The following GIGYF1 variants were observed in gnomAD, a reference collection of about 807,000 sequenced individuals.
GIGYF1 encodes GRB10-interacting GYF protein 1.
GIGYF1 carries 84 observed loss-of-function variants against 147.1 expected under a neutral mutation model. That is an observed-to-expected ratio of 0.57 (90% confidence interval 0.48 to 0.68). The LOEUF (loss-of-function observed/expected upper bound fraction) is 0.68, where lower values mean the gene tolerates loss of function less well. GIGYF1 is among the 30% of genes least tolerant of loss of function. The probability of loss-of-function intolerance (pLI) is 0.00; values close to 1 mark genes in which losing one functional copy is unlikely to be tolerated. For missense variants in GIGYF1, 1,485 were observed against 1,393.7 expected (o/e 1.07, Z -1.04); for synonymous variants, 752 against 589.5 (o/e 1.28, Z -3.99).
chr7:100,684,757 C>G lies in GIGYF1; in HGVS notation c.1428G>C (p.Lys476Asn). The G allele has an allele frequency of 6.2e-7, 1 of 1,612,340 alleles. No homozygotes were observed. Among genetic ancestry groups the G allele is most frequent in the Non-Finnish European group, 8.5e-7 (1 of 1,179,330 alleles). The change falls in exon 15 of 27, where the codon AAG becomes AAC. Residue 476 changes from lysine (K) to asparagine (N), a missense_variant. Lys to Asn is a moderately conservative substitution (Grantham distance 94, BLOSUM62 0). Transcript: ENST00000678049. ...CGCCCTGTGGGTCCTTGTAGAACCA[C>G]TTCCGGGCAGCCCCATGGCTGAGCG... The part of the protein sequence containing the change: ...ALPLSHGAAR[K>N]WFYKDPQGEI...
Position 100,686,300 on chromosome 7 carries a change from C to T in GIGYF1, c.828G>A (p.Arg276=). 6.2e-7 allele frequency: 1 copy of T among 1,614,056 alleles called. No homozygotes were observed. Among genetic ancestry groups the T allele is most frequent in the Non-Finnish European group, 8.5e-7 (1 of 1,180,000 alleles). Residue 276 remains arginine (R), a synonymous_variant, in exon 11 of 27, where the codon CGG becomes CGA. Transcript: ENST00000678049. ...GRGGGGSSHL[R]RCRAPEGFEE... is the part of the protein sequence containing the mutation. The stretch of plus-strand genomic sequence containing the variant: ...CAAAGCCTTCAGGCGCTCGGCACCG[C>T]CGCAGGTGAGAGCTGCCTCCCCCTC...
intron 11 of GIGYF1, 31 bp from the exon 12 acceptor site, chr7:100,686,110 C>T: frequency 6.2e-7 from 1 of 1,608,074 alleles, no homozygotes; most frequent in East Asian, 2.2e-5. Flanking sequence ...GAGCAGAGAA[C>T]AGCTGGGGTG....
intron 1 of GIGYF1, among the ~76,000 whole-genome samples, chr7:100,690,318 G>C (rs531374783): frequency 6.6e-6 from 1 of 152,112 alleles, no homozygotes; most frequent in Admixed American, 6.5e-5. Context: ...GCTCATCCTG[G>C]AGGCATGAGG....
chr7:100,682,749 A>T lies in GIGYF1; in HGVS notation c.2441T>A (p.Leu814Gln), dbSNP rs1804908285. Residue 814 changes from leucine (L) to glutamine (Q), a missense_variant, in exon 23 of 27, where the codon CTG (leucine) becomes CAG (glutamine). Transcript: ENST00000678049. ...VQLGGLGTAPLNQWVSEAGPL... is the reference protein window; with the variant it reads ...VQLGGLGTAPQNQWVSEAGPL... The stretch of plus-strand genomic sequence containing the variant: ...CCCAGCCTCAGACACCCACTGGTTC[A>T]GGGGGGCAGTGCCCAGGCCCCCAAG... 6.5e-7 allele frequency: 1 copy of T among 1,540,302 alleles called. No homozygotes were observed. Among genetic ancestry groups the T allele is most frequent in the Non-Finnish European group, 8.7e-7 (1 of 1,145,606 alleles).
At position 100,683,461 on chromosome 7, in the gene GIGYF1, A is replaced by G; in HGVS notation, c.2053-17T>C. The G allele has an allele frequency of 3.1e-6, 5 of 1,614,138 alleles. No individual in the cohort carries two copies. Among genetic ancestry groups the G allele is most frequent in the African/African-American group, 2.7e-5 (2 of 75,054 alleles). On this transcript the variant is annotated splice_polypyrimidine_tract_variant and intron_variant, in intron 20 of 26. Coordinates refer to ENST00000678049, the MANE Select transcript of GIGYF1 (RefSeq NM_001375765.1). ...CTCCTGGAACTGAGACCAGTGGCCCATCAGAGGGGAGAGCTGCAGGGGACA... is the reference window on the plus strand; with the variant it reads ...CTCCTGGAACTGAGACCAGTGGCCCGTCAGAGGGGAGAGCTGCAGGGGACA...
In GIGYF1 at chr7:100,680,806, G is replaced by A. The variant is rs1383010472; in HGVS notation, c.*913C>T. The A allele has an allele frequency of 1.3e-5, 2 of 152,830 alleles. No individual in the cohort carries two copies. The highest frequency in any genetic ancestry group is 2.9e-5 in the Non-Finnish European group (2 of 68,162). 9.5% of individuals were successfully genotyped at this position (152,830 alleles called of 1,614,324 possible). A position where few individuals can be genotyped will look rare whatever the true frequency, so the allele number is the denominator to read the frequency against. On this transcript the variant is annotated 3_prime_UTR_variant, in exon 27 of 27. Coordinates refer to ENST00000678049, the MANE Select transcript of GIGYF1 (RefSeq NM_001375765.1). ...TCACAGGGGTGAGGCAGCTCAGGCA[G>A]GGGTGAGGCGGGGGCTTGTGGCCCA...
At position 100,687,293 on chromosome 7, in the gene GIGYF1, C is replaced by T. The variant is rs1805455331; in HGVS notation, c.482+5G>A. 1 of 1,611,816 alleles carries T rather than the reference C, an allele frequency of 6.2e-7. No individual in the cohort carries two copies. The highest frequency in any genetic ancestry group is 8.5e-7 in the Non-Finnish European group (1 of 1,179,092). On this transcript the variant is annotated splice_donor_5th_base_variant and intron_variant, in intron 8 of 26. Coordinates refer to ENST00000678049, the MANE Select transcript of GIGYF1 (RefSeq NM_001375765.1). ...GCTCTGCGCCATGCCCCCTCCCCGC[C>T]CCACCTGTCATCCCAGCTCTGGCTG... is the stretch of plus-strand genomic sequence containing the variant.
chr7:100,683,433 G>A lies in GIGYF1; in HGVS notation c.2064C>T (p.Arg688=). 6.2e-7 allele frequency: 1 copy of A among 1,614,042 alleles called. No homozygotes were observed. The highest frequency in any genetic ancestry group is 8.5e-7 in the Non-Finnish European group (1 of 1,180,026). The change falls in exon 21 of 27, where the codon CGC becomes CGT. Residue 688 remains arginine, a synonymous_variant. Coordinates refer to ENST00000678049, the MANE Select transcript of GIGYF1 (RefSeq NM_001375765.1). ...QLQLQHKFQE[R]REVELRAKRE... is the part of the protein sequence containing the mutation. ...GCTTCGCCCTGAGCTCCACTTCTCTGCGCTCCTGGAACTGAGACCAGTGGC... is the reference window on the plus strand; with the variant it reads ...GCTTCGCCCTGAGCTCCACTTCTCTACGCTCCTGGAACTGAGACCAGTGGC...
In GIGYF1 at chr7:100,686,301, C is replaced by G. The variant is rs201471612; in HGVS notation, c.827G>C (p.Arg276Pro). The G allele has an allele frequency of 6.8e-6, 11 of 1,614,042 alleles. No homozygotes were observed. Among genetic ancestry groups the G allele is most frequent in the Middle Eastern group, 3.3e-4 (2 of 6,062 alleles). The change falls in exon 11 of 27, where the codon CGG becomes CCG. Residue 276 changes from arginine (R) to proline (P), a missense_variant. By Grantham distance (103) the Arg-to-Pro change is moderately radical (BLOSUM62 -2). Transcript: ENST00000678049. ...AAAGCCTTCAGGCGCTCGGCACCGC[C>G]GCAGGTGAGAGCTGCCTCCCCCTCC... Reference protein sequence around the residue: ...GRGGGGSSHLRRCRAPEGFEE... With the variant: ...GRGGGGSSHLPRCRAPEGFEE...
At chr7:100,690,423 C>T (rs765153376) in intron 1 of GIGYF1, among the ~76,000 whole-genome samples, 1 of 151,992 alleles carries the variant, frequency 6.6e-6, no homozygotes, top group Non-Finnish European at 1.5e-5. Context: ...GAGAGGAGTC[C>T]GAGACCAGCC....
intron 12 of GIGYF1, 81 bp downstream of exon 12, chr7:100,685,893 G>GCCAGATCTAA: frequency 8.7e-7 from 1 of 1,147,142 alleles, no homozygotes. Context: ...CAGGTAGGTG[G>GCCAGATCTAA]GCAGCCAATG....
At chr7:100,684,664 T>G in intron 15 of GIGYF1, 48 bp from the exon 16 acceptor site, 1 of 1,612,546 alleles carries the variant, frequency 6.2e-7, no homozygotes, top group South Asian at 1.1e-5. Context: ...TCACAGGGTA[T>G]GCCAGAGACA....
At chr7:100,684,971 A>C in intron 14 of GIGYF1, 77 bp from the exon 15 acceptor site, 1 of 1,556,296 alleles carries the variant, frequency 6.4e-7, no homozygotes, top group Non-Finnish European at 8.6e-7. Context: ...ATGGAGCTTG[A>C]GCTGGGGCCG....
intron 1 of GIGYF1, among the ~76,000 whole-genome samples, chr7:100,692,165 G>T (rs1805880375): frequency 6.6e-6 from 1 of 152,242 alleles, no homozygotes; most frequent in Admixed American, 6.5e-5. Context: ...TTCTCCAAGC[G>T]TGGTAGGGTG....
Position 100,681,555 on chromosome 7 carries a change from C to T in GIGYF1, c.*164G>A, listed in dbSNP as rs1198088552. On this transcript the variant is annotated 3_prime_UTR_variant, in exon 27 of 27. Coordinates refer to ENST00000678049, the MANE Select transcript of GIGYF1 (RefSeq NM_001375765.1). ...CCCTCCCCCAGTCTGTAAAGTGCCT[C>T]GTGGTGGGTGAGTTAAGGTGCATCG... 11 of 476,618 alleles carry T rather than the reference C, an allele frequency of 2.3e-5. No homozygotes were observed. The highest frequency in any genetic ancestry group is 6.0e-5 in the African/African-American group (3 of 50,178). The allele number at this position is 476,618 out of a possible 1,614,324, so 29.5% of individuals were successfully genotyped here. A position where few individuals can be genotyped will look rare whatever the true frequency, so the allele number is the denominator to read the frequency against.
intron 1 of GIGYF1, among the ~76,000 whole-genome samples, chr7:100,690,276 T>A (rs140323121): frequency 1.3e-3 from 197 of 152,264 alleles, no homozygotes; most frequent in African/African-American, 4.3e-3. Context: ...ATTTTGGGCC[T>A]CCTCCAGTTC....
In GIGYF1 at chr7:100,688,212, C is replaced by T. The variant is rs150145499; in HGVS notation, c.27G>A (p.Gly9=). The change falls in exon 4 of 27, where the codon GGG becomes GGA. Residue 9 remains glycine, a synonymous_variant. Coordinates refer to ENST00000678049, the MANE Select transcript of GIGYF1 (RefSeq NM_001375765.1). The part of the protein sequence containing the change: MAAETLNF[G]PEWLRALSGG... ...AGGCACAAGTGACTCACCACTCAGG[C>T]CCAAAGTTGAGTGTCTCTGCTGCCA... is the stretch of plus-strand genomic sequence containing the variant. The T allele has an allele frequency of 2.5e-6, 4 of 1,612,766 alleles. No individual in the cohort carries two copies. Among genetic ancestry groups the T allele is most frequent in the Admixed American group, 3.3e-5 (2 of 59,948 alleles).
At position 100,686,868 on chromosome 7, in the gene GIGYF1, C is replaced by T. The variant is rs768937340; in HGVS notation, c.524-49G>A. The T allele has an allele frequency of 8.3e-6, 13 of 1,570,750 alleles. No homozygotes were observed. The African/African-American group carries it at 2.0e-4, about 24-fold the overall frequency. On this transcript the variant is annotated intron_variant, in intron 9 of 26. Coordinates refer to ENST00000678049, the MANE Select transcript of GIGYF1 (RefSeq NM_001375765.1). Reference sequence around the variant, plus strand: ...AGTTATTAGAAAGGCAGCGTGGTGCCTGGACCCTCAAGAAACGTTGGGGGG... The same window carrying T: ...AGTTATTAGAAAGGCAGCGTGGTGCTTGGACCCTCAAGAAACGTTGGGGGG...
intron 12 of GIGYF1, 43 bp from the exon 13 acceptor site, chr7:100,685,524 C>G (rs1805237482): frequency 6.3e-7 from 1 of 1,581,794 alleles, no homozygotes; most frequent in Admixed American, 2.1e-5. Flanking sequence ...AAGGGCTGGG[C>G]CTGCCACGCG....
Sources: gnomAD v4.1 joint callset for allele counts (sites outside exome capture counted in the v4.1 genomes callset) on GRCh38, gnomAD v4.1.1 for gene constraint, MANE v1.5 for transcripts, NCBI Gene and HGNC (gene_info 2026-07-23, HGNC 2026-07-21) for gene names.